The following REEP2 variants were observed in gnomAD, a reference collection of about 807,000 sequenced individuals.
REEP2 encodes receptor accessory protein 2, also known as receptor expression-enhancing protein 2.
In REEP2, 9 loss-of-function variants were observed where a neutral mutation model predicts 32.1. The observed-to-expected ratio is 0.28, with a 90% CI of 0.17 to 0.49. The LOEUF is 0.49. REEP2 is among the 20% of genes least tolerant of loss of function. REEP2 has a pLI of 0.99. For synonymous variants in REEP2, 128 were observed against 139.1 expected, an observed-to-expected ratio of 0.92 and a Z score of 0.56; for missense variants, 236 against 338.0, an observed-to-expected ratio of 0.70 and a Z score of 2.37.
chr5:138,442,327 G>A (rs1367532586), intron 3 of REEP2, among the ~76,000 whole-genome samples: 1 of 152,206 alleles, frequency 6.6e-6, no homozygotes, highest in Admixed American at 6.5e-5. Context: ...CCAAGGGGGA[G>A]AGGACAAGAG....
chr5:138,443,522 G>A (rs1024970048), intron 3 of REEP2: 2 of 150,438 alleles, frequency 1.3e-5, no homozygotes, highest in Non-Finnish European at 2.9e-5. Context: ...AAACAAAACT[G>A]AGGGTAGTAA....
At chr5:138,442,022 C>T (rs376785470) in intron 3 of REEP2, among the ~76,000 whole-genome samples, 51 of 152,324 alleles carry the variant, frequency 3.3e-4, no homozygotes, top group African/African-American at 1.0e-3. Context: ...TCAGGAAACC[C>T]GCTTCTGCCA....
At chr5:138,439,625 G>C (rs1308228821) in intron 1 of REEP2, 1 of 472,618 alleles carries the variant, frequency 2.1e-6, no homozygotes, top group Non-Finnish European at 4.2e-6. Flanking sequence ...CCCTCTGGGG[G>C]AGGTAACAGG....
At chr5:138,442,303 A>G (rs975762141) in intron 3 of REEP2, among the ~76,000 whole-genome samples, 1 of 152,232 alleles carries the variant, frequency 6.6e-6, no homozygotes, top group African/African-American at 2.4e-5. Flanking sequence ...TCGGAACTCA[A>G]GAAGAGAATT....
chr5:138,440,199 C>G (rs890799871), intron 1 of REEP2, among the ~76,000 whole-genome samples: 1 of 152,228 alleles, frequency 6.6e-6, no homozygotes, highest in African/African-American at 2.4e-5. Flanking sequence ...ACCGGCAGCC[C>G]CACCCTGCTC....
intron 5 of REEP2, 54 bp downstream of exon 5, chr5:138,444,921 C>G: frequency 1.5e-6 from 2 of 1,335,108 alleles, no homozygotes; most frequent in Non-Finnish European, 2.1e-6. Flanking sequence ...ACAAAGGGCC[C>G]TGGCCAGGCC....
Position 138,446,561 on chromosome 5 carries a change from G to A in REEP2, c.*810G>A, listed in dbSNP as rs567705086. 6.5e-6 allele frequency: 1 copy of A among 152,780 alleles called. No individual in the cohort carries two copies. Among genetic ancestry groups the A allele is most frequent in the African/African-American group, 2.4e-5 (1 of 41,520 alleles). 9.5% of individuals were successfully genotyped at this position (152,780 alleles called of 1,614,324 possible). On this transcript the variant is annotated 3_prime_UTR_variant, in exon 8 of 8. Transcript: ENST00000378339. ...AGGACCCAGCCCATGAGAGAACGGG[G>A]ATCTGGGGGGCCTCTCACCTGCTCC... is the stretch of plus-strand genomic sequence containing the variant.
chr5:138,441,321 G>C lies in REEP2; in HGVS notation c.106-64G>C. On this transcript the variant is annotated intron_variant, in intron 2 of 7. Coordinates refer to ENST00000378339, the MANE Select transcript of REEP2 (RefSeq NM_001271803.2). The surrounding 1 kb of genome is among the most constrained non-coding windows in gnomAD (Gnocchi z 4.4). ...CAGGCATGTTCAACAGGCAGAGCTG[G>C]GGTCCTGGGTGTCCCTGGCCCCTCA... 1.4e-6 allele frequency: 2 copies of C among 1,456,368 alleles called. No individual in the cohort carries two copies. Among genetic ancestry groups the C allele is most frequent in the Non-Finnish European group, 1.9e-6 (2 of 1,036,430 alleles). The allele number at this position is 1,456,368 out of a possible 1,614,324, so 90.2% of individuals were successfully genotyped here. A position where few individuals can be genotyped will look rare whatever the true frequency, so the allele number is the denominator to read the frequency against.
intron 5 of REEP2, 164 bp from the exon 6 acceptor site, chr5:138,445,064 G>C: frequency 1.1e-6 from 1 of 878,130 alleles, no homozygotes; most frequent in Non-Finnish European, 1.7e-6. Context: ...GTCCCCAGAG[G>C]CAAAGTGTGG....
At chr5:138,440,650 G>A (rs1433099762) in intron 1 of REEP2, among the ~76,000 whole-genome samples, 2 of 152,168 alleles carry the variant, frequency 1.3e-5, no homozygotes, top group East Asian at 3.9e-4. Flanking sequence ...GCAGATGGGT[G>A]TGAATGGGCA....
In REEP2 at chr5:138,445,327, C is replaced by T. The variant is rs370729450; in HGVS notation, c.517C>T (p.Arg173Cys). The T allele has an allele frequency of 2.9e-5, 46 of 1,613,500 alleles. No homozygotes were observed. Among genetic ancestry groups the T allele is most frequent in the Middle Eastern group, 3.3e-4 (2 of 6,078 alleles). ...ACTGCCCCTGCAGAGGCCTGACGGCCGCCTCCGACCCAGCCCTGGCAGCCT... is the reference window on the plus strand; with the variant it reads ...ACTGCCCCTGCAGAGGCCTGACGGCTGCCTCCGACCCAGCCCTGGCAGCCT... ...DALPLQRPDG[R>C]LRPSPGSLLD... The change falls in exon 6 of 8, where the codon CGC becomes TGC. Residue 173 changes from arginine (R) to cysteine (C), a missense_variant. By Grantham distance (180) the Arg-to-Cys change is radical. Coordinates refer to ENST00000378339, the MANE Select transcript of REEP2 (RefSeq NM_001271803.2).
intron 3 of REEP2, chr5:138,444,211 A>G: frequency 1.9e-6 from 1 of 539,310 alleles, no homozygotes. Context: ...TTCTAGTGTC[A>G]CTGCTTACCT....
At position 138,445,857 on chromosome 5, in the gene REEP2, C is replaced by G; in HGVS notation, c.*106C>G. 5 of 1,128,742 alleles carry G rather than the reference C, an allele frequency of 4.4e-6. No homozygotes were observed. The highest frequency in any genetic ancestry group is 6.3e-6 in the Non-Finnish European group (5 of 796,646). The allele number at this position is 1,128,742 out of a possible 1,614,324, so 69.9% of individuals were successfully genotyped here. A position where few individuals can be genotyped will look rare whatever the true frequency, so the allele number is the denominator to read the frequency against. ...CCAGTAGCCTAGGTGTCTCAGGCCC[C>G]TGGGCCCCGCAGATGGCCATTTCCG... On this transcript the variant is annotated 3_prime_UTR_variant, in exon 8 of 8. Transcript: ENST00000378339.
At chr5:138,439,330 G>T in intron 1 of REEP2, 90 bp downstream of exon 1, 1 of 1,306,356 alleles carries the variant, frequency 7.7e-7, no homozygotes, top group Non-Finnish European at 1.0e-6. Context: ...GCTTCGTGCA[G>T]CAGAGTCACC....
chr5:138,440,202 C>G (rs1202999255), intron 1 of REEP2, among the ~76,000 whole-genome samples: 1 of 152,208 alleles, frequency 6.6e-6, no homozygotes, highest in East Asian at 1.9e-4. Context: ...GGCAGCCCCA[C>G]CCTGCTCCCT....
chr5:138,439,179 TCCCCGCCCCGCGCCGCGCCCGG>T lies in REEP2; in HGVS notation c.-22_-1del. ...CAGCTGCATCCTCGGCCGGGCCGGG[TCCCCGCCCCGCGCCGCGCCCGG>T]CCCCGCCATGGTGTCCTGGATCATC... is the stretch of plus-strand genomic sequence containing the variant. On this transcript the variant is annotated 5_prime_UTR_variant, in exon 1 of 8. Coordinates refer to ENST00000378339, the MANE Select transcript of REEP2 (RefSeq NM_001271803.2). 1 of 1,348,978 alleles carries T rather than the reference TCCCCGCCCCGCGCCGCGCCCGG, an allele frequency of 7.4e-7. No individual in the cohort carries two copies. Among genetic ancestry groups the T allele is most frequent in the Non-Finnish European group, 9.5e-7 (1 of 1,053,154 alleles). 83.6% of individuals were successfully genotyped at this position (1,348,978 alleles called of 1,614,324 possible).
At position 138,444,698 on chromosome 5, in the gene REEP2, G is replaced by A. The variant is rs576041385; in HGVS notation, c.304-56G>A. ...AGCAGGCAGGGGCCTCTGTCCAGGG[G>A]TGAACAAGGGTAGGGCAGGACCTCT... On this transcript the variant is annotated intron_variant, in intron 4 of 7. Coordinates refer to ENST00000378339, the MANE Select transcript of REEP2 (RefSeq NM_001271803.2). 4.6e-5 allele frequency: 73 copies of A among 1,585,648 alleles called. No individual in the cohort carries two copies. The African/African-American group carries it at 8.3e-4, about 18-fold the overall frequency.
chr5:138,442,579 G>A (rs895646595), intron 3 of REEP2, among the ~76,000 whole-genome samples: 1 of 152,120 alleles, frequency 6.6e-6, no homozygotes, highest in Non-Finnish European at 1.5e-5. Flanking sequence ...GGCATGGCAG[G>A]GCGCAGTGGC....
In REEP2 at chr5:138,446,518, C is replaced by T. The variant is rs1383229099; in HGVS notation, c.*767C>T. On this transcript the variant is annotated 3_prime_UTR_variant, in exon 8 of 8. Transcript: ENST00000378339. ...CCCTTTCCCTGCTCAACCCTCCATC[C>T]TAGGCTCTGAGCCTCAGAGGACCCA... is the stretch of plus-strand genomic sequence containing the variant. 1.3e-5 allele frequency: 2 copies of T among 152,632 alleles called. No individual in the cohort carries two copies. Among genetic ancestry groups the T allele is most frequent in the African/African-American group, 4.8e-5 (2 of 41,426 alleles). The allele number at this position is 152,632 out of a possible 1,614,324, so 9.5% of individuals were successfully genotyped here.
Sources: gnomAD v4.1 joint callset for allele counts (sites outside exome capture counted in the v4.1 genomes callset) on GRCh38, gnomAD v4.1.1 for gene constraint, Gnocchi (gnomAD v3.1) non-coding constraint, MANE v1.5 for transcripts, NCBI Gene and HGNC (gene_info 2026-07-23, HGNC 2026-07-21) for gene names.